ZNF577: variants seen among roughly 807,000 people sequenced by gnomAD.
The protein encoded by ZNF577 is zinc finger protein 577.
A neutral mutation model predicts 13.9 loss-of-function variants in ZNF577; 14 were observed. The observed-to-expected ratio is 1.00, with a 90% CI of 0.66 to 1.57. The LOEUF (loss-of-function observed/expected upper bound fraction) is 1.57. Ranked by LOEUF, ZNF577 falls within the 40% of genes most tolerant of loss-of-function variation. ZNF577 has a pLI of 0.00. For missense variants in ZNF577, 555 were observed against 579.2 expected (o/e 0.96, Z 0.43); for synonymous variants, 203 against 202.9 (o/e 1.00, Z 0.00).
chr19:51,854,298 G>C (rs2084396396), intron 5 of ZNF577, among the ~76,000 whole-genome samples: 1 of 151,918 alleles, frequency 6.6e-6, no homozygotes, highest in Non-Finnish European at 1.5e-5. Context: ...CAGGATGAAA[G>C]CCTGTGGAGA....
At chr19:51,847,809 G>A (rs536077803) in intron 5 of ZNF577, among the ~76,000 whole-genome samples, 2 of 152,258 alleles carry the variant, frequency 1.3e-5, no homozygotes, top group African/African-American at 4.8e-5. Flanking sequence ...TCTCACACAG[G>A]AGTCCCGTGA....
chr19:51,824,123 T>A lies in ZNF577; in HGVS notation c.*600-12449A>T. 1 of 1,614,012 alleles carries A rather than the reference T, an allele frequency of 6.2e-7. No homozygotes were observed. Among genetic ancestry groups the A allele is most frequent in the Non-Finnish European group, 8.5e-7 (1 of 1,179,936 alleles). The stretch of plus-strand genomic sequence containing the variant: ...CCATCATTGCTCTGGACCGCTGTAT[T>A]TGTGTCCTGCATCCAGCCTGGGCCC... On this transcript the variant is annotated intron_variant and NMD_transcript_variant, in intron 9 of 10. Coordinates refer to the ZNF577 transcript ENST00000638827. This position sits in a 1 kb window ranked among gnomAD's most constrained non-coding sequence, Gnocchi z 4.7.
chr19:51,825,642 C>T (rs62108958), intron 9 of ZNF577: 3,504 of 167,262 alleles, frequency 0.021, 58 homozygotes, highest in Non-Finnish European at 0.031. Context: ...ATACCAGATA[C>T]CCTAATCCCA....
chr19:51,823,800 G>A (rs374854764), intron 9 of ZNF577: 1 of 1,612,870 alleles, frequency 6.2e-7, no homozygotes, highest in Non-Finnish European at 8.5e-7. Context: ...GGTGCTCCCT[G>A]AGCCTGCTGG....
rs369191859 is a variant in ZNF577, at chr19:51,830,951, C to T, written c.*599+8942G>A. On this transcript the variant is annotated intron_variant and NMD_transcript_variant, in intron 9 of 10. Coordinates refer to the ZNF577 transcript ENST00000638827. The stretch of plus-strand genomic sequence containing the variant: ...TATCTACCTCCCTCCTCTGCATTTC[C>T]ACTTGAAAACCTATGGGGCATCATC... Among the ~76,000 whole-genome samples, 32 of 152,202 alleles carry T rather than the reference C, an allele frequency of 2.1e-4. No homozygotes were observed. In the South Asian group the frequency reaches 6.6e-3, roughly 32 times the overall value.
Position 51,850,974 on chromosome 19 carries a change from G to A in ZNF577, c.284-6043C>T, listed in dbSNP as rs148259826. ...TAAGTTGAAGGTGATTTTTACTTTT[G>A]TTTAGGATAAGCATATAATTTTGTG... On this transcript the variant is annotated intron_variant and NMD_transcript_variant, in intron 5 of 10. Transcript: ENST00000638827. 3.1e-3 allele frequency among the ~76,000 whole-genome samples: 477 copies of A among 152,248 alleles called. 3 individuals carry two copies. Among genetic ancestry groups the A allele is most frequent in the Non-Finnish European group, 4.9e-3 (334 of 68,016 alleles).
intron 5 of ZNF577, among the ~76,000 whole-genome samples, chr19:51,855,367 C>CTGTGTG (rs55937420): frequency 0.041 from 5,861 of 143,426 alleles, 145 homozygotes; most frequent in African/African-American, 0.045. Context: ...GCTGAGGGTG[C>CTGTGTG]TGTGTGTGTG....
At chr19:51,886,330 C>G (rs1319695824) in intron 1 of ZNF577, 1 of 152,170 alleles carries the variant, frequency 6.6e-6, no homozygotes, top group African/African-American at 2.4e-5. Flanking sequence ...CATGTGACTT[C>G]AAGAATGACG....
chr19:51,824,879 T>A lies in ZNF577; in HGVS notation c.*600-13205A>T, dbSNP rs1037290699. On this transcript the variant is annotated intron_variant and NMD_transcript_variant, in intron 9 of 10. Coordinates refer to the ZNF577 transcript ENST00000638827. The surrounding 1 kb of genome is among the most constrained non-coding windows in gnomAD (Gnocchi z 4.7). ...AAGCGGAAAAAAAAAATTCTGACAG[T>A]GTTTTTCTTCCTCTTTCATACCACC... The A allele has an allele frequency of 4.0e-6, 5 of 1,259,174 alleles. No individual in the cohort carries two copies. Among genetic ancestry groups the A allele is most frequent in the Non-Finnish European group, 5.5e-6 (5 of 915,898 alleles). The allele number at this position is 1,259,174 out of a possible 1,614,324, so 78.0% of individuals were successfully genotyped here. A position where few individuals can be genotyped will look rare whatever the true frequency, so the allele number is the denominator to read the frequency against.
At chr19:51,884,475 CT>C (rs1234652561) in intron 1 of ZNF577, among the ~76,000 whole-genome samples, 3 of 152,000 alleles carry the variant, frequency 2.0e-5, no homozygotes, top group Non-Finnish European at 4.4e-5. Context: ...AAATATTATA[CT>C]CAATTTCCAT....
At chr19:51,833,325 C>T (rs1404265347) in intron 9 of ZNF577, among the ~76,000 whole-genome samples, 1 of 152,210 alleles carries the variant, frequency 6.6e-6, no homozygotes, top group Non-Finnish European at 1.5e-5. Flanking sequence ...GCTATACTAC[C>T]TGTTGTCCAG....
At chr19:51,828,888 C>A (rs572012878) in intron 9 of ZNF577, among the ~76,000 whole-genome samples, 1 of 152,278 alleles carries the variant, frequency 6.6e-6, no homozygotes, top group Non-Finnish European at 1.5e-5. Flanking sequence ...GGCTCCCCTG[C>A]AGCTCCTGGA....
chr19:51,880,233 T>C (rs1250793541), intron 3 of ZNF577, 90 bp downstream of exon 3: 14 of 1,347,396 alleles, frequency 1.0e-5, no homozygotes, highest in Non-Finnish European at 1.4e-5. Flanking sequence ...CATGCCTTTA[T>C]TACAAGGCTG....
At position 51,873,775 on chromosome 19, in the gene ZNF577, C is replaced by T. The variant is rs571752855; in HGVS notation, c.284-69G>A. The T allele has an allele frequency of 1.1e-4, 132 of 1,195,802 alleles. No individual in the cohort carries two copies. The African/African-American group carries it at 1.7e-3, about 16-fold the overall frequency. 74.1% of individuals were successfully genotyped at this position (1,195,802 alleles called of 1,614,324 possible). A position where few individuals can be genotyped will look rare whatever the true frequency, so the allele number is the denominator to read the frequency against. Reference sequence around the variant, plus strand: ...GTGTCTTTACATTAAAGGAACAATGCTCTTACATAAACCAAACTTATTTCC... The same window carrying T: ...GTGTCTTTACATTAAAGGAACAATGTTCTTACATAAACCAAACTTATTTCC... On this transcript the variant is annotated intron_variant, in intron 5 of 5. Transcript: ENST00000638348.
chr19:51,876,453 TAA>T (rs1178083880), intron 5 of ZNF577, among the ~76,000 whole-genome samples: 2 of 136,218 alleles, frequency 1.5e-5, no homozygotes, highest in African/African-American at 2.7e-5. Flanking sequence ...CAGCAGAAGA[TAA>T]AAAAAAAAAA....
chr19:51,833,809 TG>T (rs1399626616), intron 9 of ZNF577, among the ~76,000 whole-genome samples: 2 of 152,146 alleles, frequency 1.3e-5, no homozygotes, highest in African/African-American at 4.8e-5. Flanking sequence ...GCTGGAATTT[TG>T]GGAAGTGGTC....
rs1319430791 is a variant in ZNF577 at position 51,887,579 on chromosome 19, A to G, written c.-977T>C. The G allele has an allele frequency of 2.0e-5, 3 of 152,262 alleles. No homozygotes were observed. Among genetic ancestry groups the G allele is most frequent in the African/African-American group, 4.8e-5 (2 of 41,442 alleles). The allele number at this position is 152,262 out of a possible 1,614,324, so 9.4% of individuals were successfully genotyped here. A position where few individuals can be genotyped will look rare whatever the true frequency, so the allele number is the denominator to read the frequency against. ...ACACGAACTGCCCAGAGCAGTCTCC[A>G]ACACTGACACGATTCGCTTCCCCAC... On this transcript the variant is annotated 5_prime_UTR_variant, in exon 1 of 6. Coordinates refer to ENST00000638348, the MANE Select transcript of ZNF577 (RefSeq NM_001370449.1).
chr19:51,830,551 A>G (rs1258763648), intron 9 of ZNF577, among the ~76,000 whole-genome samples: 2 of 152,222 alleles, frequency 1.3e-5, no homozygotes, highest in Admixed American at 1.3e-4. Context: ...GTGCTTGCCT[A>G]TGAATCCAAT....
At chr19:51,842,544 G>C (rs1428424412) in intron 8 of ZNF577, among the ~76,000 whole-genome samples, 1 of 152,078 alleles carries the variant, frequency 6.6e-6, no homozygotes, top group Non-Finnish European at 1.5e-5. Flanking sequence ...CCCTGATCTT[G>C]GACTTCCCAG....
Sources: allele counts gnomAD v4.1 joint callset (sites outside exome capture counted in the v4.1 genomes callset), GRCh38; gene constraint gnomAD v4.1.1; non-coding constraint Gnocchi (gnomAD v3.1); transcripts MANE v1.5; gene names NCBI Gene and HGNC (gene_info 2026-07-23, HGNC 2026-07-21).